RHOJ: variants seen among roughly 807,000 people sequenced by gnomAD.
RHOJ encodes the protein rho-related GTP-binding protein RhoJ.
In RHOJ, 11 loss-of-function variants were observed where a neutral mutation model predicts 23.4. The observed-to-expected ratio is 0.47, with a 90% CI of 0.30 to 0.78. The LOEUF (loss-of-function observed/expected upper bound fraction) is 0.78. Among genes scored for constraint, RHOJ ranks in the 30% least tolerant of loss-of-function variants. RHOJ has a pLI of 0.08. For synonymous variants in RHOJ, 102 were observed against 102.7 expected, an observed-to-expected ratio of 0.99 and a Z score of 0.04; for missense variants, 254 against 273.4, an observed-to-expected ratio of 0.93 and a Z score of 0.50.
In RHOJ at chr14:63,283,111, T is replaced by G. The variant is rs1302672988; in HGVS notation, c.403-10T>G. On this transcript the variant is annotated splice_polypyrimidine_tract_variant and intron_variant, in intron 3 of 4. Transcript: ENST00000316754. ...AAACAAATAAGTTTTCACGTGTGTTTTCTTGCCAGATTGATCTCCGTGATG... is the reference window on the plus strand; with the variant it reads ...AAACAAATAAGTTTTCACGTGTGTTGTCTTGCCAGATTGATCTCCGTGATG... 6.2e-7 allele frequency: 1 copy of G among 1,608,504 alleles called. No individual in the cohort carries two copies. Among genetic ancestry groups the G allele is most frequent in the Non-Finnish European group, 8.5e-7 (1 of 1,175,024 alleles).
In RHOJ at chr14:63,267,696, T is replaced by G. The variant is rs540652625; in HGVS notation, c.179-1414T>G. Among the ~76,000 whole-genome samples the G allele has an allele frequency of 2.0e-5, 3 of 152,348 alleles. 1 individual carries two copies. The South Asian group carries it at 6.2e-4, about 32-fold the overall frequency. Reference sequence around the variant, plus strand: ...CACACAGCCTCACCTCCATTCCTATTGCTAGCCTGACTTGTGAAAGGAAGT... The same window carrying G: ...CACACAGCCTCACCTCCATTCCTATGGCTAGCCTGACTTGTGAAAGGAAGT... On this transcript the variant is annotated intron_variant, in intron 1 of 4. Transcript: ENST00000316754.
At chr14:63,262,018 C>G (rs1895281117) in intron 1 of RHOJ, among the ~76,000 whole-genome samples, 1 of 152,212 alleles carries the variant, frequency 6.6e-6, no homozygotes, top group South Asian at 2.1e-4. Context: ...ACACTAGACA[C>G]AATAATGCAG....
Position 63,204,785 on chromosome 14 carries a change from C to A in RHOJ, c.-85C>A, listed in dbSNP as rs1894069216. 2 of 1,384,328 alleles carry A rather than the reference C, an allele frequency of 1.4e-6. No homozygotes were observed. Among genetic ancestry groups the A allele is most frequent in the Non-Finnish European group, 2.0e-6 (2 of 998,864 alleles). 85.8% of individuals were successfully genotyped at this position (1,384,328 alleles called of 1,614,324 possible). On this transcript the variant is annotated 5_prime_UTR_variant, in exon 1 of 5. Transcript: ENST00000316754. ...TCAGACAGAGTAAACTCAAGCCTGG[C>A]ACTGGCTTTCTGCCGCTTCATGTGC... is the stretch of plus-strand genomic sequence containing the variant.
chr14:63,247,323 C>A (rs550713746), intron 1 of RHOJ, among the ~76,000 whole-genome samples: 1 of 152,164 alleles, frequency 6.6e-6, no homozygotes, highest in Non-Finnish European at 1.5e-5. Flanking sequence ...TCCCTGCTCA[C>A]CAAATGTATC....
rs200795109 is a variant in RHOJ, at chr14:63,253,401, AT to A, written c.179-15696del. 4.5e-3 allele frequency among the ~76,000 whole-genome samples: 649 copies of A among 145,834 alleles called. 2 individuals are homozygous for A. The highest frequency in any genetic ancestry group is 0.011 in the East Asian group (57 of 5,046). On this transcript the variant is annotated intron_variant, in intron 1 of 4. Coordinates refer to ENST00000316754, the MANE Select transcript of RHOJ (RefSeq NM_020663.5). Reference sequence around the variant, plus strand: ...CCTGCCTCAGCTTCCCAAGTAGCTAATTTTTTTTTTTTTAGAGATGGGGTTT... The same window carrying A: ...CCTGCCTCAGCTTCCCAAGTAGCTAATTTTTTTTTTTTAGAGATGGGGTTT...
intron 1 of RHOJ, among the ~76,000 whole-genome samples, chr14:63,221,734 A>G (rs1228470778): frequency 6.6e-6 from 1 of 152,188 alleles, no homozygotes; most frequent in East Asian, 1.9e-4. Context: ...GGCTCTGAGA[A>G]GATTTCGGTG....
intron 1 of RHOJ, among the ~76,000 whole-genome samples, chr14:63,235,667 GA>G (rs1894776445): frequency 6.6e-6 from 1 of 152,052 alleles, no homozygotes; most frequent in Admixed American, 6.6e-5. Flanking sequence ...CAAAAAATTG[GA>G]ATAAAATCCT....
At chr14:63,223,392 T>C (rs570102140) in intron 1 of RHOJ, among the ~76,000 whole-genome samples, 215 of 152,310 alleles carry the variant, frequency 1.4e-3, no homozygotes, top group African/African-American at 4.9e-3. Flanking sequence ...ACACATGACA[T>C]GTTTAACAAT....
At chr14:63,232,022 G>A (rs1894704889) in intron 1 of RHOJ, among the ~76,000 whole-genome samples, 1 of 152,176 alleles carries the variant, frequency 6.6e-6, no homozygotes, top group African/African-American at 2.4e-5. Flanking sequence ...TCTTCATAAG[G>A]AGAGCAGACA....
intron 1 of RHOJ, among the ~76,000 whole-genome samples, chr14:63,258,997 T>G (rs887910678): frequency 1.3e-5 from 2 of 152,156 alleles, no homozygotes; most frequent in African/African-American, 4.8e-5. Flanking sequence ...TGGAGTGCGG[T>G]GGCATGATCT....
intron 2 of RHOJ, among the ~76,000 whole-genome samples, chr14:63,272,092 A>T (rs1007477906): frequency 7.1e-6 from 1 of 141,836 alleles, no homozygotes; most frequent in Non-Finnish European, 1.5e-5. Flanking sequence ...TAGAATGCAC[A>T]CTAAATTTTG....
Position 63,261,280 on chromosome 14 carries a change from A to T in RHOJ, c.179-7830A>T, listed in dbSNP as rs141783036. ...TAGAAAACCTGTTTATGTATCAAAG[A>T]TATAATCTTCTTTGACCCTCATATA... On this transcript the variant is annotated intron_variant, in intron 1 of 4. Coordinates refer to ENST00000316754, the MANE Select transcript of RHOJ (RefSeq NM_020663.5). Among the ~76,000 whole-genome samples, 19 of 152,224 alleles carry T rather than the reference A, an allele frequency of 1.2e-4. No individual in the cohort carries two copies. In the East Asian group the frequency reaches 3.5e-3, roughly 28 times the overall value.
At chr14:63,263,288 C>T (rs1406462506) in intron 1 of RHOJ, among the ~76,000 whole-genome samples, 1 of 152,190 alleles carries the variant, frequency 6.6e-6, no homozygotes, top group East Asian at 1.9e-4. Flanking sequence ...CATTTTATGA[C>T]AATAGCTTCC....
chr14:63,277,190 T>C (rs1235561635), intron 2 of RHOJ, among the ~76,000 whole-genome samples: 1 of 152,226 alleles, frequency 6.6e-6, no homozygotes, highest in Non-Finnish European at 1.5e-5. Context: ...TGGCCCATCA[T>C]GGAACTTCTC....
chr14:63,209,055 A>G (rs536812803), intron 1 of RHOJ, among the ~76,000 whole-genome samples: 4 of 152,090 alleles, frequency 2.6e-5, no homozygotes, highest in Non-Finnish European at 5.9e-5. Flanking sequence ...ACCATTAGTT[A>G]TCATCCCTTC....
chr14:63,226,293 G>A (rs1894593311), intron 1 of RHOJ, among the ~76,000 whole-genome samples: 1 of 151,878 alleles, frequency 6.6e-6, no homozygotes, highest in Admixed American at 6.6e-5. Flanking sequence ...AGAACACAAG[G>A]CAAAAATGCA....
intron 1 of RHOJ, among the ~76,000 whole-genome samples, chr14:63,266,405 T>G (rs966580115): frequency 1.3e-5 from 2 of 152,178 alleles, no homozygotes; most frequent in African/African-American, 4.8e-5. Context: ...CAGGTTTACT[T>G]TGGAATGCCC....
intron 4 of RHOJ, chr14:63,288,449 C>A: frequency 2.1e-6 from 1 of 473,320 alleles, no homozygotes; most frequent in Non-Finnish European, 2.8e-6. Context: ...AGACAAGTGC[C>A]ACCACGTTAC....
chr14:63,235,878 T>G (rs369341380), intron 1 of RHOJ, among the ~76,000 whole-genome samples: 16 of 152,332 alleles, frequency 1.1e-4, no homozygotes, highest in African/African-American at 3.6e-4. Flanking sequence ...TATAATTATT[T>G]TCTCCTAGAG....
Sources: gnomAD v4.1 joint callset for allele counts (sites outside exome capture counted in the v4.1 genomes callset) on GRCh38, gnomAD v4.1.1 for gene constraint, MANE v1.5 for transcripts, NCBI Gene and HGNC (gene_info 2026-07-23, HGNC 2026-07-21) for gene names.